Variants in CHIA observed in about 807,000 individuals in gnomAD.
The protein encoded by CHIA is acidic mammalian chitinase.
A neutral mutation model predicts 53.5 loss-of-function variants in CHIA; 47 were observed. The ratio of observed to expected loss-of-function variants is 0.88; its 90% CI spans 0.70 to 1.12. The LOEUF is 1.12. CHIA is among the 50% of genes most tolerant of loss of function. CHIA has a pLI of 0.00. For missense variants in CHIA, 652 were observed against 592.2 expected (o/e 1.10, Z -1.05); for synonymous variants, 268 against 222.2 (o/e 1.21, Z -1.83).
intron 4 of CHIA, among the ~76,000 whole-genome samples, chr1:111,312,760 C>G (rs1294765818): frequency 6.6e-6 from 1 of 152,110 alleles, no homozygotes; most frequent in Non-Finnish European, 1.5e-5. Context: ...TCATTTCTAA[C>G]TGAAATTTTG....
chr1:111,294,852 G>A (rs1328592749), intron 1 of CHIA, among the ~76,000 whole-genome samples: 1 of 152,000 alleles, frequency 6.6e-6, no homozygotes, highest in Admixed American at 6.6e-5. Context: ...GTTTTCATAA[G>A]TTAAATCATT....
intron 1 of CHIA, among the ~76,000 whole-genome samples, chr1:111,305,777 T>C (rs548435206): frequency 6.6e-6 from 1 of 152,272 alleles, no homozygotes; most frequent in African/African-American, 2.4e-5. Flanking sequence ...TTTATGTGAT[T>C]CTCCTTTAAG....
intron 6 of CHIA, chr1:111,317,422 T>C: frequency 2.8e-6 from 1 of 356,828 alleles, no homozygotes; most frequent in East Asian, 5.7e-5. Context: ...GGACCTGGGT[T>C]TTGGTCATGA....
At chr1:111,300,087 C>A (rs1336789494) in intron 1 of CHIA, among the ~76,000 whole-genome samples, 1 of 152,004 alleles carries the variant, frequency 6.6e-6, no homozygotes, top group Non-Finnish European at 1.5e-5. Flanking sequence ...AAAGAGGACA[C>A]AAACAAATGG....
In CHIA at chr1:111,317,718, T is replaced by C. The variant is rs933885486; in HGVS notation, c.518T>C (p.Ile173Thr). 1 of 1,613,992 alleles carries C rather than the reference T, an allele frequency of 6.2e-7. No individual in the cohort carries two copies. ...REAFEQEAKQ[I>T]NKPRLMVTAA... ...GCTTTTGAGCAGGAGGCCAAGCAGATCAACAAGCCCAGGCTGATGGTCACT... is the reference window on the plus strand; with the variant it reads ...GCTTTTGAGCAGGAGGCCAAGCAGACCAACAAGCCCAGGCTGATGGTCACT... Residue 173 changes from isoleucine (I) to threonine (T), a missense_variant, in exon 7 of 12, where the codon ATC (isoleucine) becomes ACC (threonine). Ile to Thr is a moderately conservative substitution (Grantham distance 89). Coordinates refer to ENST00000369740, the MANE Select transcript of CHIA (RefSeq NM_201653.4).
At chr1:111,306,049 A>C (rs1648158189) in intron 1 of CHIA, among the ~76,000 whole-genome samples, 2 of 152,240 alleles carry the variant, frequency 1.3e-5, no homozygotes, top group Non-Finnish European at 2.9e-5. Context: ...CTATGGAGAA[A>C]GTTATGAAAC....
At chr1:111,293,975 A>G (rs1661189313) in intron 1 of CHIA, among the ~76,000 whole-genome samples, 1 of 152,152 alleles carries the variant, frequency 6.6e-6, no homozygotes, top group African/African-American at 2.4e-5. Flanking sequence ...CCAGCTAATC[A>G]GGAGGCTGAG....
rs752677743 is a variant in CHIA, at chr1:111,312,342, G to A, written c.208G>A (p.Glu70Lys). 20 of 1,613,972 alleles carry A rather than the reference G, an allele frequency of 1.2e-5. No homozygotes were observed. Among genetic ancestry groups the A allele is most frequent in the Non-Finnish European group, 1.5e-5 (18 of 1,180,004 alleles). The change falls in exon 4 of 12, where the codon GAA becomes AAA. Residue 70 changes from glutamate to lysine, a missense_variant. By Grantham distance (56) the Glu-to-Lys change is moderately conservative. Coordinates refer to ENST00000369740, the MANE Select transcript of CHIA (RefSeq NM_201653.4). ...GRQNNEITTI[E>K]WNDVTLYQAF... Reference sequence around the variant, plus strand: ...GCAGAACAACGAGATCACCACCATCGAATGGAATGATGTGACTCTCTACCA... The same window carrying A: ...GCAGAACAACGAGATCACCACCATCAAATGGAATGATGTGACTCTCTACCA...
chr1:111,299,043 A>T (rs1276563124), intron 1 of CHIA, among the ~76,000 whole-genome samples: 1 of 152,190 alleles, frequency 6.6e-6, no homozygotes, highest in Non-Finnish European at 1.5e-5. Flanking sequence ...ACCAGGAAGA[A>T]GTGGAATCTC....
chr1:111,310,637 G>A, intron 2 of CHIA, 145 bp downstream of exon 2: 2 of 1,482,456 alleles, frequency 1.3e-6, no homozygotes, highest in Non-Finnish European at 8.9e-7. Flanking sequence ...AATGAATCTT[G>A]TTATATACAA....
rs1178052976 is a variant in CHIA at position 111,318,555 on chromosome 1, C to T, written c.792C>T (p.Phe264=). 1 of 1,614,220 alleles carries T rather than the reference C, an allele frequency of 6.2e-7. No homozygotes were observed. The highest frequency in any genetic ancestry group is 8.5e-7 in the Non-Finnish European group (1 of 1,180,026). ...GAPAEKLIVG[F]PTYGHNFILS... ...CAGCTGAGAAGCTCATCGTTGGATT[C>T]CCTACCTATGGACACAACTTCATCC... The change falls in exon 9 of 12, where the codon TTC becomes TTT. Residue 264 remains phenylalanine, a synonymous_variant. Transcript: ENST00000369740.
Position 111,318,580 on chromosome 1 carries a change from C to G in CHIA, c.817C>G (p.Leu273Val). ...GFPTYGHNFI[L>V]SNPSNTGIGA... ...CCCTACCTATGGACACAACTTCATC[C>G]TGAGCAACCCCTCCAACACTGGAAT... Residue 273 changes from leucine to valine, a missense_variant, in exon 9 of 12, where the codon CTG becomes GTG. Transcript: ENST00000369740. 1 of 1,614,196 alleles carries G rather than the reference C, an allele frequency of 6.2e-7. No individual in the cohort carries two copies.
intron 1 of CHIA, among the ~76,000 whole-genome samples, chr1:111,308,506 A>G (rs1432825898): frequency 2.0e-5 from 3 of 152,200 alleles, no homozygotes. Flanking sequence ...AATCCTCTTT[A>G]TAGGGTAAAA....
chr1:111,311,599 G>A, intron 2 of CHIA, 90 bp from the exon 3 acceptor site: 1 of 1,455,180 alleles, frequency 6.9e-7, no homozygotes, highest in Non-Finnish European at 9.6e-7. Context: ...AACAATTTAT[G>A]GCAAATTGGA....
chr1:111,317,462 G>C, intron 6 of CHIA: 1 of 465,996 alleles, frequency 2.1e-6, no homozygotes, highest in Non-Finnish European at 3.8e-6. Context: ...TGGGACTTTG[G>C]TGAAGTGTCC....
rs1649385893 is a variant in CHIA, at chr1:111,318,679, G to A, written c.915+1G>A. 1.9e-6 allele frequency: 3 copies of A among 1,612,396 alleles called. No homozygotes were observed. The East Asian group carries it at 6.7e-5, about 36-fold the overall frequency. The stretch of plus-strand genomic sequence containing the variant: ...GTCTGGGATCTGGGCTTACTACGAG[G>A]TATGTAGATTGGACTGAAAAGTGCT... On this transcript the variant is annotated splice_donor_variant, in intron 9 of 11. Coordinates refer to ENST00000369740, the MANE Select transcript of CHIA (RefSeq NM_201653.4). LOFTEE classifies it high-confidence loss of function.
Position 111,319,453 on chromosome 1 carries a change from G to A in CHIA, c.1162G>A (p.Gly388Ser), listed in dbSNP as rs371701062. 35 of 1,613,766 alleles carry A rather than the reference G, an allele frequency of 2.2e-5. No individual in the cohort carries two copies. Among genetic ancestry groups the A allele is most frequent in the Middle Eastern group, 1.7e-4 (1 of 5,952 alleles). ...PLISTLKKAL[G>S]LQSASCTAPA... The stretch of plus-strand genomic sequence containing the variant: ...AATCTCCACCCTGAAGAAGGCCCTC[G>A]GCCTGCAGAGTGCAAGTAAGTGACT... Residue 388 changes from glycine to serine, a missense_variant, in exon 11 of 12, where the codon GGC becomes AGC. Coordinates refer to ENST00000369740, the MANE Select transcript of CHIA (RefSeq NM_201653.4).
chr1:111,295,019 A>G (rs956531958), intron 1 of CHIA, among the ~76,000 whole-genome samples: 1 of 152,204 alleles, frequency 6.6e-6, no homozygotes, highest in Non-Finnish European at 1.5e-5. Flanking sequence ...TGGCTTTGAT[A>G]TTACAGTAAT....
intron 1 of CHIA, among the ~76,000 whole-genome samples, chr1:111,295,060 T>C (rs925311319): frequency 2.8e-4 from 43 of 152,356 alleles, no homozygotes; most frequent in African/African-American, 8.7e-4. Flanking sequence ...CAGAAAGTGT[T>C]TTCTCCTCTT....
Sources: gnomAD v4.1 joint callset for allele counts (sites outside exome capture counted in the v4.1 genomes callset) on GRCh38, gnomAD v4.1.1 for gene constraint, MANE v1.5 for transcripts, NCBI Gene and HGNC (gene_info 2026-07-23, HGNC 2026-07-21) for gene names.